EOGT: variants seen among roughly 807,000 people sequenced by gnomAD.
EOGT encodes EGF domain-specific O-linked N-acetylglucosamine transferase.
Under a neutral mutation model 70.5 loss-of-function variants are expected in EOGT, and 55 were observed. The observed-to-expected ratio is 0.78, with a 90% confidence interval of 0.63 to 0.98. EOGT has a LOEUF of 0.98. Ranked by LOEUF, EOGT falls within the 50% of genes least tolerant of loss-of-function variation. The pLI is 0.00. For synonymous variants in EOGT, 246 were observed against 217.1 expected (o/e 1.13, Z -1.17); for missense variants, 703 against 641.9 (o/e 1.10, Z -1.03).
chr3:68,981,309 T>C (rs1161144691), intron 15 of EOGT, among the ~76,000 whole-genome samples: 7 of 152,206 alleles, frequency 4.6e-5, no homozygotes, highest in African/African-American at 1.7e-4. Context: ...GGTGACCAGC[T>C]CATGGGTCCC....
Position 68,998,074 on chromosome 3 carries a change from A to C in EOGT, c.768T>G (p.Leu256=), listed in dbSNP as rs764439172. Residue 256 remains leucine (L), a synonymous_variant, in exon 10 of 18, where the codon CTT becomes CTG. Transcript: ENST00000383701. ...AGTTATTAACGTGCTGAGTAATATA[A>C]AGATTGATGAAATCACAGAAGTGGT... is the stretch of plus-strand genomic sequence containing the variant. The part of the protein sequence containing the change: ...MYHHFCDFIN[L]YITQHVNNSF... 1.9e-6 allele frequency: 3 copies of C among 1,600,776 alleles called. No homozygotes were observed. The highest frequency in any genetic ancestry group is 2.6e-6 in the Non-Finnish European group (3 of 1,173,052).
intron 14 of EOGT, among the ~76,000 whole-genome samples, chr3:68,986,442 G>C (rs2090809464): frequency 6.6e-6 from 1 of 152,138 alleles, no homozygotes; most frequent in Admixed American, 6.6e-5. Context: ...CAAGGTCTAG[G>C]AGGCTGATAC....
chr3:68,998,881 T>A (rs1467530023), intron 9 of EOGT, among the ~76,000 whole-genome samples: 1 of 144,780 alleles, frequency 6.9e-6, no homozygotes, highest in Non-Finnish European at 1.5e-5. Flanking sequence ...TTAAGAAACA[T>A]CTGTTCATCA....
In EOGT at chr3:68,988,591, T is replaced by C. The variant is rs1396069234; in HGVS notation, c.925-14A>G. On this transcript the variant is annotated splice_polypyrimidine_tract_variant and intron_variant, in intron 11 of 17. Coordinates refer to ENST00000383701, the MANE Select transcript of EOGT (RefSeq NM_001278689.2). ...TTTAAAACATACCTAAGAACAAAGA[T>C]ACATTAAAAGAAGATGTAATTTGCA... 2.0e-6 allele frequency: 3 copies of C among 1,492,532 alleles called. No individual in the cohort carries two copies. In the South Asian group the frequency reaches 3.7e-5, roughly 19 times the overall value. 92.5% of individuals were successfully genotyped at this position (1,492,532 alleles called of 1,614,324 possible).
intron 15 of EOGT, among the ~76,000 whole-genome samples, chr3:68,981,030 C>A (rs199554621): frequency 2.0e-5 from 3 of 152,140 alleles, no homozygotes; most frequent in African/African-American, 7.2e-5. Context: ...GATGTGGGGG[C>A]CCCATATTGG....
chr3:68,985,653 T>C (rs1199487079), intron 14 of EOGT, among the ~76,000 whole-genome samples: 2 of 152,220 alleles, frequency 1.3e-5, no homozygotes, highest in African/African-American at 2.4e-5. Flanking sequence ...TACCATGTCA[T>C]CTCTACTGTC....
intron 8 of EOGT, among the ~76,000 whole-genome samples, chr3:69,002,711 G>C (rs1309958657): frequency 6.6e-6 from 1 of 151,460 alleles, no homozygotes; most frequent in Non-Finnish European, 1.5e-5. Flanking sequence ...CTGGAGTGCA[G>C]TGGTGCAATC....
chr3:68,993,838 G>C (rs180674359), intron 10 of EOGT, among the ~76,000 whole-genome samples: 5 of 152,258 alleles, frequency 3.3e-5, no homozygotes, highest in Non-Finnish European at 7.4e-5. Flanking sequence ...AAATGAGGAA[G>C]AAGCAAAAGT....
Position 68,998,042 on chromosome 3 carries a change from C to T in EOGT, c.800G>A (p.Ser267Asn), listed in dbSNP as rs1326181004. The change falls in exon 10 of 18, where the codon AGT becomes AAT. Residue 267 changes from serine to asparagine, a missense_variant. Ser to Asn is a conservative substitution (Grantham distance 46). Transcript: ENST00000383701. ...YITQHVNNSFSTDVYIVMWDT... is the reference protein window; with the variant it reads ...YITQHVNNSFNTDVYIVMWDT... ...CCACATCACGATGTACACGTCAGTA[C>T]TGAATGAGTTATTAACGTGCTGAGT... is the stretch of plus-strand genomic sequence containing the variant. The T allele has an allele frequency of 1.9e-6, 3 of 1,596,876 alleles. No homozygotes were observed. The highest frequency in any genetic ancestry group is 1.7e-5 in the Admixed American group (1 of 57,330).
chr3:68,976,779 C>T lies in EOGT; in HGVS notation c.*839G>A, dbSNP rs568893420. ...CAAATATATCATAAACAAGTTGGAA[C>T]ACTCTGGAATTACAGTCATATGATA... is the stretch of plus-strand genomic sequence containing the variant. On this transcript the variant is annotated 3_prime_UTR_variant, in exon 18 of 18. Transcript: ENST00000383701. The T allele has an allele frequency of 1.1e-4, 16 of 151,540 alleles. No individual in the cohort carries two copies. Among genetic ancestry groups the T allele is most frequent in the African/African-American group, 3.5e-4 (14 of 40,458 alleles). 9.4% of individuals were successfully genotyped at this position (151,540 alleles called of 1,614,324 possible). A position where few individuals can be genotyped will look rare whatever the true frequency, so the allele number is the denominator to read the frequency against.
chr3:69,000,118 T>G (rs749756872), intron 9 of EOGT, among the ~76,000 whole-genome samples: 3 of 152,100 alleles, frequency 2.0e-5, no homozygotes, highest in Non-Finnish European at 4.4e-5. Context: ...CCCAGCTACT[T>G]GGCAGGCCAA....
chr3:68,991,855 G>C lies in EOGT; in HGVS notation c.832-2838C>G, dbSNP rs6549166. ...ATGGCTGGGGAGGCCTCAGAACCAT[G>C]GCGGGAGGTGAAAGACACTTCTTAC... is the stretch of plus-strand genomic sequence containing the variant. On this transcript the variant is annotated intron_variant, in intron 10 of 17. Coordinates refer to ENST00000383701, the MANE Select transcript of EOGT (RefSeq NM_001278689.2). Among the ~76,000 whole-genome samples, 515 of 152,126 alleles carry C rather than the reference G, an allele frequency of 3.4e-3. 3 individuals are homozygous for C. The highest frequency in any genetic ancestry group is 0.011 in the Admixed American group (174 of 15,274).
chr3:68,984,653 CAGTTGGGTGCTCTTTGGCTTGG>C (rs749547305), intron 14 of EOGT, among the ~76,000 whole-genome samples: 9 of 152,092 alleles, frequency 5.9e-5, no homozygotes, highest in Non-Finnish European at 1.3e-4. Flanking sequence ...AAGAAGCAGC[CAGTTGGGTGCTCTTTGGCTTGG>C]AGTTGGGGGC....
intron 14 of EOGT, among the ~76,000 whole-genome samples, chr3:68,984,461 A>G (rs2090745899): frequency 6.6e-6 from 1 of 152,210 alleles, no homozygotes; most frequent in Non-Finnish European, 1.5e-5. Context: ...TGCACGAAAA[A>G]GGTGGCCCTA....
intron 13 of EOGT, 188 bp from the exon 14 acceptor site, chr3:68,987,701 A>C (rs1244375680): frequency 6.7e-6 from 4 of 594,200 alleles, no homozygotes; most frequent in Admixed American, 6.3e-5. Context: ...TCAACCACCG[A>C]AGGCAAAAAC....
intron 10 of EOGT, among the ~76,000 whole-genome samples, chr3:68,992,694 C>T (rs567558520): frequency 6.6e-6 from 1 of 152,356 alleles, no homozygotes; most frequent in African/African-American, 2.4e-5. Context: ...GGGGCTCCAA[C>T]CCCACATTTC....
chr3:68,985,687 C>A (rs1373969216), intron 14 of EOGT, among the ~76,000 whole-genome samples: 1 of 152,202 alleles, frequency 6.6e-6, no homozygotes. Context: ...AACACTCTCC[C>A]CTGGGCCACA....
intron 17 of EOGT, among the ~76,000 whole-genome samples, chr3:68,977,993 A>G (rs534143984): frequency 1.3e-5 from 2 of 152,364 alleles, no homozygotes; most frequent in East Asian, 3.9e-4. Context: ...AACTAGAGAC[A>G]GTGCATAAAC....
intron 1 of EOGT, among the ~76,000 whole-genome samples, chr3:69,013,087 T>A (rs1438020270): frequency 2.6e-5 from 4 of 152,008 alleles, no homozygotes; most frequent in Non-Finnish European, 5.9e-5. Context: ...GCTGTCCGCT[T>A]GAACGTCAGT....
Sources: gnomAD v4.1 joint callset for allele counts (sites outside exome capture counted in the v4.1 genomes callset) on GRCh38, gnomAD v4.1.1 for gene constraint, MANE v1.5 for transcripts, NCBI Gene and HGNC (gene_info 2026-07-23, HGNC 2026-07-21) for gene names.